BTBD16: variants seen among roughly 807,000 people sequenced by gnomAD.
The protein encoded by BTBD16 is BTB/POZ domain-containing protein 16.
Under a neutral mutation model 67.4 loss-of-function variants are expected in BTBD16, and 66 were observed. That is an observed-to-expected ratio of 0.98 (90% confidence interval 0.80 to 1.20). The LOEUF (loss-of-function observed/expected upper bound fraction) is 1.20, where lower values mean the gene tolerates loss of function less well. Among genes scored for constraint, BTBD16 ranks in the 50% most tolerant of loss-of-function variants. The pLI is 0.00. For missense variants in BTBD16, 634 were observed against 616.0 expected (o/e 1.03, Z -0.31); for synonymous variants, 242 against 236.4 (o/e 1.02, Z -0.22).
intron 9 of BTBD16, among the ~76,000 whole-genome samples, chr10:122,299,402 ACTTAATTAC>A (rs544350505): frequency 8.9e-4 from 136 of 152,204 alleles, no homozygotes; most frequent in African/African-American, 3.2e-3. Context: ...AAAATGAAAG[ACTTAATTAC>A]CTAAGTAATT....
chr10:122,292,129 G>A (rs549477120), intron 7 of BTBD16, among the ~76,000 whole-genome samples: 1 of 152,326 alleles, frequency 6.6e-6, no homozygotes, highest in African/African-American at 2.4e-5. Flanking sequence ...AAAGTAACCT[G>A]GGTCCGTGCA....
At chr10:122,314,766 T>C (rs1565004387) in intron 10 of BTBD16, among the ~76,000 whole-genome samples, 2 of 152,240 alleles carry the variant, frequency 1.3e-5, no homozygotes, top group Admixed American at 1.3e-4. Flanking sequence ...TCTTGTATGT[T>C]TTCTACATAT....
chr10:122,271,994 T>C (rs1305777428), intron 1 of BTBD16, among the ~76,000 whole-genome samples: 1 of 152,138 alleles, frequency 6.6e-6, no homozygotes, highest in Non-Finnish European at 1.5e-5. Flanking sequence ...TTCTCTCTTC[T>C]CAGATTCCTT....
Position 122,336,634 on chromosome 10 carries a change from C to A in BTBD16, c.1404C>A (p.Asn468Lys). 1 of 1,607,530 alleles carries A rather than the reference C, an allele frequency of 6.2e-7. No homozygotes were observed. Among genetic ancestry groups the A allele is most frequent in the Non-Finnish European group, 8.5e-7 (1 of 1,178,452 alleles). The change falls in exon 15 of 16, where the codon AAC becomes AAA. Residue 468 changes from asparagine (N) to lysine (K), a missense_variant. Transcript: ENST00000260723. ...GCAAGTGGCAGGAGTTCAGGACAAA[C>A]CAGATCAAGCAGAAGTTTGGGTTGA... Reference protein sequence around the residue: ...VDGKWQEFRTNQIKQKFGLTT... With the variant: ...VDGKWQEFRTKQIKQKFGLTT...
intron 5 of BTBD16, among the ~76,000 whole-genome samples, chr10:122,288,784 G>C (rs1315137920): frequency 6.6e-6 from 1 of 152,188 alleles, no homozygotes; most frequent in Non-Finnish European, 1.5e-5. Flanking sequence ...AGGGACATGT[G>C]AGAAGACCCC....
chr10:122,301,846 C>T (rs1299573102), intron 9 of BTBD16, among the ~76,000 whole-genome samples: 2 of 152,202 alleles, frequency 1.3e-5, no homozygotes, highest in Non-Finnish European at 2.9e-5. Context: ...AGAGGGCTAA[C>T]GATGGGCAGG....
intron 10 of BTBD16, 75 bp downstream of exon 10, chr10:122,307,383 G>A: frequency 7.2e-7 from 1 of 1,393,462 alleles, no homozygotes; most frequent in Non-Finnish European, 9.6e-7. Flanking sequence ...ATATCACGGG[G>A]GAAAACCATC....
intron 11 of BTBD16, among the ~76,000 whole-genome samples, chr10:122,330,646 T>G (rs1307756847): frequency 6.6e-6 from 1 of 152,210 alleles, no homozygotes; most frequent in Non-Finnish European, 1.5e-5. Context: ...TAAACTGAAG[T>G]TGAAATGGCC....
chr10:122,274,974 G>A (rs2096337251), intron 1 of BTBD16, 66 bp from the exon 2 acceptor site: 1 of 1,096,632 alleles, frequency 9.1e-7, no homozygotes, highest in South Asian at 1.3e-5. Context: ...GATTCTTTAG[G>A]CCAATCTCCT....
At chr10:122,290,201 C>T (rs867679866) in intron 6 of BTBD16, among the ~76,000 whole-genome samples, 2 of 152,134 alleles carry the variant, frequency 1.3e-5, no homozygotes, top group South Asian at 4.1e-4. Context: ...AGGTGGAATG[C>T]TACTAAAGAG....
chr10:122,284,448 C>CA (rs11287011), intron 4 of BTBD16, among the ~76,000 whole-genome samples: 89 of 146,910 alleles, frequency 6.1e-4, no homozygotes, highest in African/African-American at 1.4e-3. Context: ...GACTCCATCT[C>CA]AAAAAAAAAA....
intron 12 of BTBD16, 113 bp from the exon 13 acceptor site, chr10:122,332,323 C>A: frequency 1.1e-6 from 1 of 930,878 alleles, no homozygotes. Flanking sequence ...AGGCAAAACT[C>A]TTTTTCAAAC....
chr10:122,282,767 C>T, intron 3 of BTBD16, among the ~76,000 whole-genome samples: 1 of 152,156 alleles, frequency 6.6e-6, no homozygotes. Context: ...GCAGAGGATA[C>T]ACAAGTAAAC....
At chr10:122,294,130 G>A (rs896154092) in intron 7 of BTBD16, 1 of 985,336 alleles carries the variant, frequency 1.0e-6, no homozygotes, top group African/African-American at 1.7e-5. Flanking sequence ...GGGATTCTAG[G>A]TCAGAGGCCA....
intron 10 of BTBD16, among the ~76,000 whole-genome samples, chr10:122,323,475 C>A (rs912731725): frequency 6.6e-6 from 1 of 152,160 alleles, no homozygotes; most frequent in Non-Finnish European, 1.5e-5. Context: ...GTATGTGGGA[C>A]AGGGCTGGAT....
intron 2 of BTBD16, among the ~76,000 whole-genome samples, 183 bp downstream of exon 2, chr10:122,275,282 G>C (rs150663169): frequency 2.6e-5 from 4 of 152,212 alleles, no homozygotes; most frequent in South Asian, 2.1e-4. Flanking sequence ...GCAGGCTTGT[G>C]GTCTGAGCTG....
Position 122,323,715 on chromosome 10 carries a change from A to G in BTBD16, c.912-5765A>G, listed in dbSNP as rs187416388. Among the ~76,000 whole-genome samples the G allele has an allele frequency of 2.6e-5, 4 of 152,320 alleles. No homozygotes were observed. In the East Asian group the frequency reaches 7.7e-4, roughly 29 times the overall value. On this transcript the variant is annotated intron_variant, in intron 10 of 15. Coordinates refer to ENST00000260723, the MANE Select transcript of BTBD16 (RefSeq NM_144587.5). ...TGTAAATTACTCACTTTACTAAATC[A>G]AAGAAGGTCGATGCTGGAAAGTGCC...
chr10:122,307,610 C>T (rs1348998427), intron 10 of BTBD16, among the ~76,000 whole-genome samples: 2 of 151,932 alleles, frequency 1.3e-5, no homozygotes, highest in Non-Finnish European at 2.9e-5. Context: ...ACCACACTAC[C>T]CTGGCCTTTA....
At chr10:122,330,523 T>C (rs938031757) in intron 11 of BTBD16, among the ~76,000 whole-genome samples, 3 of 152,192 alleles carry the variant, frequency 2.0e-5, no homozygotes, top group African/African-American at 7.2e-5. Flanking sequence ...CAAGGTACCT[T>C]CCAGGGTTCA....
Sources: allele counts gnomAD v4.1 joint callset (sites outside exome capture counted in the v4.1 genomes callset), GRCh38; gene constraint gnomAD v4.1.1; transcripts MANE v1.5; gene names NCBI Gene and HGNC (gene_info 2026-07-23, HGNC 2026-07-21).